The following NUP88 variants were observed in gnomAD, a reference collection of about 807,000 sequenced individuals.
NUP88 encodes the protein nucleoporin 88, also known as nuclear pore complex protein Nup88.
NUP88 carries 57 observed loss-of-function variants against 93.9 expected under a neutral mutation model. That is an observed-to-expected ratio of 0.61 (90% confidence interval 0.49 to 0.76). The LOEUF is 0.76. NUP88 is among the 30% of genes least tolerant of loss of function. The pLI is 0.00. For missense variants in NUP88, 911 were observed against 901.0 expected (o/e 1.01, Z -0.14); for synonymous variants, 346 against 336.8 (o/e 1.03, Z -0.30).
Position 5,387,634 on chromosome 17 carries a change from T to C in NUP88, c.1806A>G (p.Leu602=), listed in dbSNP as rs749793967. The C allele has an allele frequency of 6.2e-7, 1 of 1,613,286 alleles. No homozygotes were observed. The highest frequency in any genetic ancestry group is 1.1e-5 in the South Asian group (1 of 91,036). Residue 602 remains leucine, a synonymous_variant, in exon 13 of 17, where the codon CTA becomes CTG. Transcript: ENST00000573584. Reference sequence around the variant, plus strand: ...CTTCTCGACAATAACTGAGATCTTCTAGTTGTTTCTTTTTTTGGTCACATA... The same window carrying C: ...CTTCTCGACAATAACTGAGATCTTCCAGTTGTTTCTTTTTTTGGTCACATA... The part of the protein sequence containing the change: ...KLLCDQKKKQ[L]EDLSYCREER...
intron 2 of NUP88, among the ~76,000 whole-genome samples, chr17:5,416,158 A>T (rs1914124326): frequency 1.1e-5 from 1 of 94,040 alleles, no homozygotes; most frequent in Non-Finnish European, 2.0e-5. Flanking sequence ...AAAAAAAAAA[A>T]AAAAAAAAGT....
intron 5 of NUP88, among the ~76,000 whole-genome samples, chr17:5,408,428 C>T (rs1016898361): frequency 2.1e-4 from 32 of 152,190 alleles, no homozygotes; most frequent in African/African-American, 7.5e-4. Flanking sequence ...ACCACGCCTA[C>T]GTGGTGTCTT....
chr17:5,411,745 C>A (rs749357379), intron 3 of NUP88, among the ~76,000 whole-genome samples: 5 of 152,104 alleles, frequency 3.3e-5, no homozygotes, highest in Non-Finnish European at 5.9e-5. Flanking sequence ...TTCAAAAGGC[C>A]AGTAATGTCA....
chr17:5,404,398 A>C, intron 6 of NUP88, 152 bp from the exon 7 acceptor site: 1 of 659,836 alleles, frequency 1.5e-6, no homozygotes, highest in East Asian at 2.9e-5. Context: ...GGATCATCTG[A>C]GGTCAGGAGT....
Position 5,386,568 on chromosome 17 carries a change from TG to T in NUP88, c.2162+139del, listed in dbSNP as rs1911995982. The T allele has an allele frequency of 3.2e-5, 23 of 713,144 alleles. No homozygotes were observed. The East Asian group carries it at 5.7e-4, about 18-fold the overall frequency. The allele number at this position is 713,144 out of a possible 1,614,324, so 44.2% of individuals were successfully genotyped here. On this transcript the variant is annotated intron_variant, in intron 16 of 16. Transcript: ENST00000573584. Reference sequence around the variant, plus strand: ...ACCATAGTCATTTCTTAAGTCCCTATGTATCATGTGGCTCTCATCCCAGTAA... The same window carrying T: ...ACCATAGTCATTTCTTAAGTCCCTATTATCATGTGGCTCTCATCCCAGTAA...
At chr17:5,416,144 CAAAA>C (rs1206275413) in intron 2 of NUP88, among the ~76,000 whole-genome samples, 1 of 72,648 alleles carries the variant, frequency 1.4e-5, no homozygotes, top group Non-Finnish European at 2.6e-5. Flanking sequence ...GACTCCATCT[CAAAA>C]AAAAAAAAAA....
At chr17:5,410,969 G>A (rs1258978769) in intron 3 of NUP88, among the ~76,000 whole-genome samples, 180 bp from the exon 4 acceptor site, 3 of 152,090 alleles carry the variant, frequency 2.0e-5, no homozygotes, top group African/African-American at 7.2e-5. Flanking sequence ...ACTACATAAG[G>A]GAGTTTCATT....
At chr17:5,417,834 G>T (rs1199784990) in intron 1 of NUP88, among the ~76,000 whole-genome samples, 2 of 148,034 alleles carry the variant, frequency 1.4e-5, no homozygotes, top group Non-Finnish European at 3.0e-5. Flanking sequence ...GCGAGATCCT[G>T]CCTCAAAACA....
At chr17:5,398,355 TATC>T (rs1912916930) in intron 8 of NUP88, among the ~76,000 whole-genome samples, 1 of 151,518 alleles carries the variant, frequency 6.6e-6, no homozygotes, top group South Asian at 2.1e-4. Context: ...TGTGGCACGA[TATC>T]GGCTCACTGC....
chr17:5,399,535 A>T lies in NUP88; in HGVS notation c.1291+17T>A. 7.7e-7 allele frequency: 1 copy of T among 1,304,662 alleles called. No individual in the cohort carries two copies. The allele number at this position is 1,304,662 out of a possible 1,614,324, so 80.8% of individuals were successfully genotyped here. Reference sequence around the variant, plus strand: ...CCTCTGAAATCTATTAAAAGTGCAGAGAGTTAGTAAACTCACCTGATCCAA... The same window carrying T: ...CCTCTGAAATCTATTAAAAGTGCAGTGAGTTAGTAAACTCACCTGATCCAA... On this transcript the variant is annotated intron_variant, in intron 8 of 16. Transcript: ENST00000573584.
chr17:5,387,361 A>T, intron 14 of NUP88, 25 bp downstream of exon 14: 1 of 1,590,992 alleles, frequency 6.3e-7, no homozygotes, highest in South Asian at 1.1e-5. Context: ...TGACTAGGTA[A>T]CTAAATGTTA....
At position 5,386,744 on chromosome 17, in the gene NUP88, T is replaced by G; in HGVS notation, c.2126A>C (p.Tyr709Ser). 6.2e-7 allele frequency: 1 copy of G among 1,613,606 alleles called. No homozygotes were observed. Residue 709 changes from tyrosine to serine, a missense_variant, in exon 16 of 17, where the codon TAC (tyrosine) becomes TCC (serine). Coordinates refer to ENST00000573584, the MANE Select transcript of NUP88 (RefSeq NM_002532.6). ...LPKPTIILSA[Y>S]QRKCIQSILK... ...GATGGACTGAATGCACTTTCGCTGG[T>G]AGGCACTGAGAATAATGGTGGGTTT...
At chr17:5,413,825 A>G (rs1913981138) in intron 3 of NUP88, among the ~76,000 whole-genome samples, 184 bp downstream of exon 3, 1 of 152,218 alleles carries the variant, frequency 6.6e-6, no homozygotes, top group Non-Finnish European at 1.5e-5. Flanking sequence ...ACTAGTTGAG[A>G]AGGAATAGTG....
At chr17:5,407,125 T>C (rs940515305) in intron 5 of NUP88, among the ~76,000 whole-genome samples, 1 of 152,220 alleles carries the variant, frequency 6.6e-6, no homozygotes, top group African/African-American at 2.4e-5. Flanking sequence ...CCAAGGAGAA[T>C]GCACTCAACA....
rs1806252 is a variant in NUP88 at position 5,408,228 on chromosome 17, T to C, written c.857+505A>G. Among the ~76,000 whole-genome samples, 521 of 152,364 alleles carry C rather than the reference T, an allele frequency of 3.4e-3. 3 individuals are homozygous for C. Among genetic ancestry groups the C allele is most frequent in the African/African-American group, 0.012 (487 of 41,584 alleles). On this transcript the variant is annotated intron_variant, in intron 5 of 16. Coordinates refer to ENST00000573584, the MANE Select transcript of NUP88 (RefSeq NM_002532.6). Reference sequence around the variant, plus strand: ...CACTCTTCCTTGATACTTCATTTAATCCTGAATGAGACCTTTAAGTCACAC... The same window carrying C: ...CACTCTTCCTTGATACTTCATTTAACCCTGAATGAGACCTTTAAGTCACAC...
chr17:5,394,769 T>C, intron 9 of NUP88, 122 bp downstream of exon 9: 2 of 688,540 alleles, frequency 2.9e-6, no homozygotes, highest in South Asian at 3.4e-5. Context: ...AAGTATCACG[T>C]CTGCAACTTT....
Position 5,405,247 on chromosome 17 carries a change from A to T in NUP88, c.858-4T>A. The stretch of plus-strand genomic sequence containing the variant: ...CAGCTTTCCAATATTTCCAGGGCTA[A>T]AGAAGGAGTAAAAACATATTTGGGA... On this transcript the variant is annotated splice_polypyrimidine_tract_variant and splice_region_variant and intron_variant, in intron 5 of 16. Transcript: ENST00000573584. 1 of 1,610,420 alleles carries T rather than the reference A, an allele frequency of 6.2e-7. No individual in the cohort carries two copies.
intron 7 of NUP88, 134 bp from the exon 8 acceptor site, chr17:5,399,784 T>C (rs992051704): frequency 6.1e-6 from 3 of 490,086 alleles, no homozygotes; most frequent in South Asian, 3.5e-5. Flanking sequence ...GACTTTCATA[T>C]TGTTAGGGGT....
intron 7 of NUP88, among the ~76,000 whole-genome samples, chr17:5,401,885 T>C (rs1913190847): frequency 6.6e-6 from 1 of 152,244 alleles, no homozygotes; most frequent in African/African-American, 2.4e-5. Flanking sequence ...TACCACCCTA[T>C]GCTATACTGT....
Sources: allele counts gnomAD v4.1 joint callset (sites outside exome capture counted in the v4.1 genomes callset), GRCh38; gene constraint gnomAD v4.1.1; transcripts MANE v1.5; gene names NCBI Gene and HGNC (gene_info 2026-07-23, HGNC 2026-07-21).